The following ST6GALNAC3 variants were observed in gnomAD, a reference collection of about 807,000 sequenced individuals.
ST6GALNAC3 encodes the protein alpha-N-acetylgalactosaminide alpha-2,6-sialyltransferase 3.
ST6GALNAC3 carries 25 observed loss-of-function variants against 32.7 expected under a neutral mutation model. The observed-to-expected ratio is 0.76, with a 90% CI of 0.56 to 1.07. The LOEUF is 1.07. ST6GALNAC3 is among the 50% of genes least tolerant of loss of function. The probability of loss-of-function intolerance (pLI) is 0.00; values close to 1 mark genes in which losing one functional copy is unlikely to be tolerated. For synonymous variants in ST6GALNAC3, 129 were observed against 133.1 expected, an observed-to-expected ratio of 0.97 and a Z score of 0.21; for missense variants, 355 against 382.4, an observed-to-expected ratio of 0.93 and a Z score of 0.60.
intron 3 of ST6GALNAC3, among the ~76,000 whole-genome samples, chr1:76,613,340 C>T (rs180467): frequency 0.14 from 20,821 of 152,124 alleles, 2,703 homozygotes; most frequent in African/African-American, 0.34. Flanking sequence ...TATTCTCCTT[C>T]CTGTGGCATA....
intron 1 of ST6GALNAC3, among the ~76,000 whole-genome samples, chr1:76,126,424 T>TTTCCTTCCTTCCTTCCTTCCTTCC (rs770778690): frequency 4.1e-5 from 3 of 73,370 alleles, no homozygotes; most frequent in Non-Finnish European, 8.8e-5. Context: ...CCCTCCTGCC[T>TTTCCTTCCTTCCTTCCTTCCTTCC]TTCCTTCCTT....
chr1:76,164,088 GA>G (rs1298042178), intron 1 of ST6GALNAC3, among the ~76,000 whole-genome samples: 1 of 152,196 alleles, frequency 6.6e-6, no homozygotes, highest in Non-Finnish European at 1.5e-5. Flanking sequence ...AACAGATGAA[GA>G]ATCAAAATGT....
At chr1:76,156,883 C>T (rs780989377) in intron 1 of ST6GALNAC3, among the ~76,000 whole-genome samples, 3 of 152,334 alleles carry the variant, frequency 2.0e-5, no homozygotes, top group South Asian at 2.1e-4. Flanking sequence ...AGGCGCCCGC[C>T]ACCACGCCCG....
intron 3 of ST6GALNAC3, among the ~76,000 whole-genome samples, chr1:76,443,489 G>A (rs1465243948): frequency 6.6e-6 from 1 of 152,202 alleles, no homozygotes; most frequent in Non-Finnish European, 1.5e-5. Context: ...GCTAGGAGGA[G>A]TCTGCTTCCT....
chr1:76,361,419 T>C (rs1208238489), intron 2 of ST6GALNAC3, among the ~76,000 whole-genome samples: 1 of 152,178 alleles, frequency 6.6e-6, no homozygotes, highest in African/African-American at 2.4e-5. Flanking sequence ...TCCCTCCTAT[T>C]TCCCATATAA....
In ST6GALNAC3 at chr1:76,577,833, A is replaced by G. The variant is rs896130128; in HGVS notation, c.624-49619A>G. Among the ~76,000 whole-genome samples the G allele has an allele frequency of 5.3e-5, 8 of 152,126 alleles. 1 individual carries two copies. The South Asian group carries it at 1.0e-3, about 20-fold the overall frequency. On this transcript the variant is annotated intron_variant, in intron 3 of 4. Transcript: ENST00000328299. The stretch of plus-strand genomic sequence containing the variant: ...TTCTGTTCACTTGGAGAAAGAGACT[A>G]TTTACCATTTTCCCTAAATTTATCT...
Position 76,478,727 on chromosome 1 carries a change from C to T in ST6GALNAC3, c.623+66310C>T, listed in dbSNP as rs145605121. Among the ~76,000 whole-genome samples the T allele has an allele frequency of 4.8e-3, 715 of 148,632 alleles. 8 individuals carry two copies. The highest frequency in any genetic ancestry group is 0.017 in the African/African-American group (689 of 40,418). Reference sequence around the variant, plus strand: ...AATTGACCTTCTCTATGGTCAGATTCGTGACTGTATTCCTTCCCCTAGTTT... The same window carrying T: ...AATTGACCTTCTCTATGGTCAGATTTGTGACTGTATTCCTTCCCCTAGTTT... On this transcript the variant is annotated intron_variant, in intron 3 of 4. Coordinates refer to ENST00000328299, the MANE Select transcript of ST6GALNAC3 (RefSeq NM_152996.4).
intron 2 of ST6GALNAC3, among the ~76,000 whole-genome samples, chr1:76,372,568 A>G (rs1344796937): frequency 4.6e-5 from 7 of 152,192 alleles, no homozygotes; most frequent in Non-Finnish European, 1.0e-4. Context: ...CCCAGAATTA[A>G]AACTTCAGTG....
In ST6GALNAC3 at chr1:76,633,525, A is replaced by C. The variant is rs1649398575; in HGVS notation, c.*4719A>C. 6.6e-6 allele frequency: 1 copy of C among 152,198 alleles called. No homozygotes were observed. The highest frequency in any genetic ancestry group is 1.5e-5 in the Non-Finnish European group (1 of 68,042). The allele number at this position is 152,198 out of a possible 1,614,324, so 9.4% of individuals were successfully genotyped here. ...TTTCTCTTTGTGATTGAGGATGAGCAAGCCATTGATACACCAAGAGCTGCT... is the reference window on the plus strand; with the variant it reads ...TTTCTCTTTGTGATTGAGGATGAGCCAGCCATTGATACACCAAGAGCTGCT... On this transcript the variant is annotated 3_prime_UTR_variant, in exon 5 of 5. Coordinates refer to ENST00000328299, the MANE Select transcript of ST6GALNAC3 (RefSeq NM_152996.4).
chr1:76,253,504 A>T (rs1186087105), intron 1 of ST6GALNAC3, among the ~76,000 whole-genome samples: 1 of 152,146 alleles, frequency 6.6e-6, no homozygotes, highest in African/African-American at 2.4e-5. Context: ...TTATGTCAAC[A>T]CACCCCATCC....
At chr1:76,228,863 G>T (rs1656213153) in intron 1 of ST6GALNAC3, among the ~76,000 whole-genome samples, 1 of 152,146 alleles carries the variant, frequency 6.6e-6, no homozygotes, top group Admixed American at 6.5e-5. Flanking sequence ...TTTCTGCCCG[G>T]AGAAGGTCAT....
chr1:76,620,756 A>T (rs1441974726), intron 3 of ST6GALNAC3, among the ~76,000 whole-genome samples: 2 of 152,016 alleles, frequency 1.3e-5, no homozygotes, highest in Non-Finnish European at 2.9e-5. Context: ...CGGCCTCAAC[A>T]TATGAATTTG....
At chr1:76,242,863 A>G (rs1657046945) in intron 1 of ST6GALNAC3, among the ~76,000 whole-genome samples, 1 of 152,164 alleles carries the variant, frequency 6.6e-6, no homozygotes, top group South Asian at 2.1e-4. Context: ...ATCAGTGGGC[A>G]TTTGGGTTGG....
At chr1:76,231,805 T>C (rs562214722) in intron 1 of ST6GALNAC3, among the ~76,000 whole-genome samples, 35 of 152,342 alleles carry the variant, frequency 2.3e-4, no homozygotes, top group African/African-American at 7.7e-4. Flanking sequence ...AAAACATGGG[T>C]GTGCAGATAT....
rs374410948 is a variant in ST6GALNAC3, at chr1:76,206,593, T to C, written c.19-107212T>C. On this transcript the variant is annotated intron_variant, in intron 1 of 4. Transcript: ENST00000328299. ...AAAATACAAAATTAGCCAGGCATGG[T>C]GGCGGGTGCCTGTAGTCCCAGCTAC... is the stretch of plus-strand genomic sequence containing the variant. 8.5e-5 allele frequency among the ~76,000 whole-genome samples: 13 copies of C among 152,216 alleles called. No individual in the cohort carries two copies. In the East Asian group the frequency reaches 1.4e-3, roughly 16 times the overall value.
intron 3 of ST6GALNAC3, among the ~76,000 whole-genome samples, chr1:76,433,538 G>A (rs568910925): frequency 8.5e-5 from 13 of 152,194 alleles, no homozygotes; most frequent in African/African-American, 2.9e-4. Context: ...ATTTTGACAA[G>A]GAAAAAAATC....
chr1:76,506,097 A>G (rs546451291), intron 3 of ST6GALNAC3, among the ~76,000 whole-genome samples: 34 of 152,316 alleles, frequency 2.2e-4, no homozygotes, highest in African/African-American at 8.2e-4. Flanking sequence ...TTTGAAATGG[A>G]GGCTGTGAGA....
rs575501608 is a variant in ST6GALNAC3 at position 76,548,423 on chromosome 1, C to G, written c.624-79029C>G. Among the ~76,000 whole-genome samples, 29 of 152,264 alleles carry G rather than the reference C, an allele frequency of 1.9e-4. 1 individual carries two copies. The highest frequency in any genetic ancestry group is 6.7e-4 in the African/African-American group (28 of 41,554). ...AGCAATGCAGTCAAGGACCAGGCAG[C>G]CTTCTAGCTCTCTGCTTCATCTCAT... On this transcript the variant is annotated intron_variant, in intron 3 of 4. Transcript: ENST00000328299.
intron 3 of ST6GALNAC3, among the ~76,000 whole-genome samples, chr1:76,466,690 A>C (rs182981387): frequency 6.6e-6 from 1 of 152,100 alleles, no homozygotes; most frequent in Admixed American, 6.6e-5. Context: ...AATTTTTTAT[A>C]CTAGTGAACA....
Sources: gnomAD v4.1 joint callset for allele counts (sites outside exome capture counted in the v4.1 genomes callset) on GRCh38, gnomAD v4.1.1 for gene constraint, MANE v1.5 for transcripts, NCBI Gene and HGNC (gene_info 2026-07-23, HGNC 2026-07-21) for gene names.